The following RANBP2 variants were observed in gnomAD, a reference collection of about 807,000 sequenced individuals.
RANBP2 encodes the protein E3 SUMO-protein ligase RanBP2.
RANBP2 carries 57 observed loss-of-function variants against 303.6 expected under a neutral mutation model. The observed-to-expected ratio is 0.19, with a 90% CI of 0.15 to 0.23. The LOEUF is 0.23. Among genes scored for constraint, RANBP2 ranks in the 10% least tolerant of loss-of-function variants. The pLI, the probability that RANBP2 is intolerant of heterozygous loss-of-function variation, is 1.00. For missense variants in RANBP2, 3,138 were observed against 3,780.8 expected (o/e 0.83, Z 4.46); for synonymous variants, 1,167 against 1,301.5 (o/e 0.90, Z 2.23).
chr2:109,540,314 C>G, the RANBP2 span, among the ~76,000 whole-genome samples: 8 of 152,112 alleles, frequency 5.3e-5, no homozygotes, highest in Admixed American at 5.2e-4. Context: ...CATATCTGCA[C>G]TAATTTTCAG....
chr2:108,833,837 C>A, the RANBP2 span, among the ~76,000 whole-genome samples: 1 of 149,860 alleles, frequency 6.7e-6, no homozygotes, highest in Non-Finnish European at 1.5e-5. Flanking sequence ...ACGCCATTCT[C>A]CTGCCTCAGC....
chr2:109,044,364 A>C, the RANBP2 span, among the ~76,000 whole-genome samples: 6 of 152,082 alleles, frequency 3.9e-5, no homozygotes, highest in South Asian at 1.2e-3. Context: ...ACTAAAAAAA[A>C]TACAAAAAAT....
chr2:109,141,445 C>G, the RANBP2 span: 5 of 153,784 alleles, frequency 3.3e-5, no homozygotes, highest in Admixed American at 6.5e-5. Context: ...GGGAGGGGCT[C>G]GAGACCTCTG....
the RANBP2 span, among the ~76,000 whole-genome samples, chr2:109,632,818 C>CAAAA: frequency 7.0e-6 from 1 of 143,064 alleles, no homozygotes; most frequent in Non-Finnish European, 1.5e-5. Context: ...GACTCTGTCT[C>CAAAA]AAAAAAAAAA....
chr2:109,244,910 A>G, the RANBP2 span, among the ~76,000 whole-genome samples: 10 of 152,220 alleles, frequency 6.6e-5, no homozygotes, highest in Non-Finnish European at 1.2e-4. Context: ...GTTAGAAGCA[A>G]GACAAAGTTG....
At chr2:109,217,975 G>A in the RANBP2 span, among the ~76,000 whole-genome samples, 112 of 152,304 alleles carry the variant, frequency 7.4e-4, no homozygotes, top group Non-Finnish European at 1.1e-3. Context: ...TGCTCCTGCC[G>A]GTTGCCTTCC....
the RANBP2 span, among the ~76,000 whole-genome samples, chr2:109,199,991 T>C: frequency 1.3e-4 from 20 of 152,032 alleles, no homozygotes; most frequent in Non-Finnish European, 7.4e-5. Context: ...TTGTCACAGC[T>C]AAGGTGGGGT....
the RANBP2 span, among the ~76,000 whole-genome samples, chr2:108,975,082 A>T: frequency 6.6e-6 from 1 of 152,308 alleles, no homozygotes; most frequent in East Asian, 1.9e-4. Context: ...CACGGAGCCT[A>T]GCCCCAAGTG....
chr2:109,260,897 C>G, the RANBP2 span, among the ~76,000 whole-genome samples: 1 of 152,126 alleles, frequency 6.6e-6, no homozygotes, highest in Non-Finnish European at 1.5e-5. Flanking sequence ...CTTCAGAACC[C>G]CATCCTGCCT....
chr2:109,271,576 A>C, the RANBP2 span, among the ~76,000 whole-genome samples: 2 of 152,234 alleles, frequency 1.3e-5, no homozygotes, highest in Non-Finnish European at 2.9e-5. Context: ...TAACTATGGC[A>C]TCCCAGCCAG....
the RANBP2 span, among the ~76,000 whole-genome samples, chr2:108,878,631 A>G: frequency 6.6e-6 from 1 of 152,320 alleles, no homozygotes; most frequent in African/African-American, 2.4e-5. Flanking sequence ...TGGTTTAGTA[A>G]CAAATATGTG....
the RANBP2 span, among the ~76,000 whole-genome samples, chr2:109,134,743 G>T: frequency 6.6e-6 from 1 of 152,118 alleles, no homozygotes; most frequent in African/African-American, 2.4e-5. Context: ...TCAGCTCGTT[G>T]GTAGCACGAT....
At chr2:108,738,978 G>A (rs147849097) in intron 6 of RANBP2, among the ~76,000 whole-genome samples, 1 of 152,208 alleles carries the variant, frequency 6.6e-6, no homozygotes, top group East Asian at 1.9e-4. Flanking sequence ...CAGCAAAAAA[G>A]TAGTCAGAAA....
chr2:109,431,590 A>G, the RANBP2 span, among the ~76,000 whole-genome samples: 2,479 of 152,312 alleles, frequency 0.016, 58 homozygotes, highest in African/African-American at 0.055. Flanking sequence ...TTATTTGCAA[A>G]TAAGACTTAA....
At chr2:109,599,130 G>C in the RANBP2 span, among the ~76,000 whole-genome samples, 3 of 151,970 alleles carry the variant, frequency 2.0e-5, no homozygotes, top group Admixed American at 6.6e-5. Context: ...CACACTGCTA[G>C]AAGTGGATGC....
At chr2:109,584,995 T>C in the RANBP2 span, 6 of 439,496 alleles carry the variant, frequency 1.4e-5, no homozygotes, top group Admixed American at 2.6e-4. Context: ...AATTATTTTA[T>C]TTTTAAAACA....
the RANBP2 span, among the ~76,000 whole-genome samples, chr2:109,227,968 G>A: frequency 6.6e-6 from 1 of 152,200 alleles, no homozygotes; most frequent in South Asian, 2.1e-4. Context: ...TCTGGCTCAA[G>A]GGGCATGGGA....
the RANBP2 span, among the ~76,000 whole-genome samples, chr2:108,853,913 A>G: frequency 8.1e-6 from 1 of 122,840 alleles, no homozygotes; most frequent in African/African-American, 3.3e-5. Flanking sequence ...TATATTATAT[A>G]GTATATATAT....
At chr2:108,820,760 C>T in the RANBP2 span, among the ~76,000 whole-genome samples, 2 of 149,358 alleles carry the variant, frequency 1.3e-5, no homozygotes, top group African/African-American at 2.5e-5. Context: ...CCAGCTAAAC[C>T]GTCCTTAAGA....
Sources: gnomAD v4.1 joint callset for allele counts (sites outside exome capture counted in the v4.1 genomes callset) on GRCh38, gnomAD v4.1.1 for gene constraint, MANE v1.5 for transcripts, NCBI Gene and HGNC (gene_info 2026-07-23, HGNC 2026-07-21) for gene names.